Variants in FYN observed in about 807,000 individuals in gnomAD.
FYN encodes tyrosine-protein kinase Fyn.
FYN carries 10 observed loss-of-function variants against 70.2 expected under a neutral mutation model. That is an observed-to-expected ratio of 0.14 (90% confidence interval 0.09 to 0.24). The LOEUF (loss-of-function observed/expected upper bound fraction) is 0.24, where lower values mean the gene tolerates loss of function less well. FYN is among the 10% of genes least tolerant of loss of function. The pLI is 1.00. For missense variants in FYN, 319 were observed against 673.1 expected (o/e 0.47, Z 5.82); for synonymous variants, 236 against 248.6 (o/e 0.95, Z 0.48).
intron 3 of FYN, among the ~76,000 whole-genome samples, chr6:111,734,528 C>T (rs1226839934): frequency 6.6e-6 from 1 of 152,206 alleles, no homozygotes; most frequent in Non-Finnish European, 1.5e-5. Flanking sequence ...TCTGGCTCAA[C>T]CAACTCTGGC....
chr6:111,760,499 T>C (rs1409356324), intron 3 of FYN, among the ~76,000 whole-genome samples: 1 of 152,144 alleles, frequency 6.6e-6, no homozygotes, highest in African/African-American at 2.4e-5. Context: ...AAAACAAATT[T>C]AATGTGTGTT....
At chr6:111,861,131 G>C (rs190216206) in intron 1 of FYN, among the ~76,000 whole-genome samples, 15 of 150,384 alleles carry the variant, frequency 1.0e-4, no homozygotes, top group Admixed American at 3.9e-4. Context: ...CATTCTAGAA[G>C]TACTGAAAAC....
intron 2 of FYN, among the ~76,000 whole-genome samples, chr6:111,821,133 C>T (rs1253131374): frequency 6.6e-6 from 1 of 152,112 alleles, no homozygotes; most frequent in Non-Finnish European, 1.5e-5. Flanking sequence ...GAAAAAACTA[C>T]TTTAAAGTTC....
At chr6:111,843,597 T>G (rs1256576531) in intron 2 of FYN, among the ~76,000 whole-genome samples, 1 of 152,198 alleles carries the variant, frequency 6.6e-6, no homozygotes, top group East Asian at 1.9e-4. Flanking sequence ...TGTTCATTTG[T>G]CTGCTTGAAA....
intron 3 of FYN, among the ~76,000 whole-genome samples, chr6:111,732,311 C>A (rs1258047231): frequency 6.6e-6 from 1 of 152,226 alleles, no homozygotes; most frequent in African/African-American, 2.4e-5. Context: ...TGTTGTCCTA[C>A]AGAGTGATTA....
intron 13 of FYN, among the ~76,000 whole-genome samples, chr6:111,666,378 T>C (rs1313135937): frequency 6.6e-6 from 1 of 152,074 alleles, no homozygotes. Flanking sequence ...GAGAGGCGGC[T>C]TGGGGCTGGG....
chr6:111,711,311 A>G (rs1412502979), intron 5 of FYN, among the ~76,000 whole-genome samples: 1 of 152,296 alleles, frequency 6.6e-6, no homozygotes, highest in East Asian at 1.9e-4. Context: ...AGCTGTGACC[A>G]ATACTCCACT....
intron 12 of FYN, among the ~76,000 whole-genome samples, chr6:111,678,911 T>A (rs1347653541): frequency 6.6e-6 from 1 of 152,200 alleles, no homozygotes; most frequent in Non-Finnish European, 1.5e-5. Flanking sequence ...GTCCATTACA[T>A]CCTGACCATT....
At chr6:111,772,444 A>T (rs530791055) in intron 3 of FYN, among the ~76,000 whole-genome samples, 2 of 152,338 alleles carry the variant, frequency 1.3e-5, no homozygotes, top group South Asian at 4.1e-4. Context: ...CCCATGTATC[A>T]GACTACAGAT....
rs1420125743 is a variant in FYN at position 111,719,892 on chromosome 6, G to A, written c.160C>T (p.His54Tyr). 6.2e-7 allele frequency: 1 copy of A among 1,614,186 alleles called. No homozygotes were observed. The highest frequency in any genetic ancestry group is 1.1e-5 in the South Asian group (1 of 91,076). ...GTGAGTCCTTGGCCCCCGGCTGCGT[G>A]GAAGTTGTTGTAGTTGGGGATGGAG... The part of the protein sequence containing the change: ...VTSIPNYNNF[H>Y]AAGGQGLTVF... The change falls in exon 4 of 14, where the codon CAC becomes TAC. Residue 54 changes from histidine (H) to tyrosine (Y), a missense_variant. By Grantham distance (83) the His-to-Tyr change is moderately conservative (BLOSUM62 2). Around this residue, in one of 4 missense-constraint regions of FYN, gnomAD observed 128 missense variants for 183.9 expected, o/e 0.70. Transcript: ENST00000354650.
At chr6:111,692,101 T>TC (rs753027655) in intron 12 of FYN, among the ~76,000 whole-genome samples, 15,851 of 136,718 alleles carry the variant, frequency 0.12, 1,154 homozygotes, top group South Asian at 0.28. Flanking sequence ...AAGCTTCATT[T>TC]CCCCCCCCCC....
At chr6:111,818,826 A>G (rs1007812934) in intron 2 of FYN, 5 of 152,210 alleles carry the variant, frequency 3.3e-5, no homozygotes, top group African/African-American at 1.2e-4. Flanking sequence ...TCCTTGATTT[A>G]CAAGCATCAT....
chr6:111,823,971 T>C (rs911476530), intron 2 of FYN, among the ~76,000 whole-genome samples: 1 of 152,224 alleles, frequency 6.6e-6, no homozygotes, highest in African/African-American at 2.4e-5. Flanking sequence ...GCATACATTA[T>C]GCCTCAGGAA....
intron 13 of FYN, among the ~76,000 whole-genome samples, chr6:111,667,309 G>T (rs1171181477): frequency 6.6e-6 from 1 of 152,140 alleles, no homozygotes; most frequent in African/African-American, 2.4e-5. Flanking sequence ...CATGATCATG[G>T]CTCACTGCAG....
At chr6:111,767,569 T>G (rs928040300) in intron 3 of FYN, among the ~76,000 whole-genome samples, 1 of 151,980 alleles carries the variant, frequency 6.6e-6, no homozygotes, top group Non-Finnish European at 1.5e-5. Flanking sequence ...CCCAGCTAAT[T>G]TTTTGTATTT....
intron 12 of FYN, among the ~76,000 whole-genome samples, chr6:111,675,589 T>A (rs1025093698): frequency 6.6e-6 from 1 of 151,954 alleles, no homozygotes; most frequent in Non-Finnish European, 1.5e-5. Flanking sequence ...GGTCAGGAGT[T>A]CAAGACCAGC....
chr6:111,789,687 C>A (rs1464392496), intron 2 of FYN, among the ~76,000 whole-genome samples: 1 of 152,066 alleles, frequency 6.6e-6, no homozygotes, highest in Non-Finnish European at 1.5e-5. Flanking sequence ...TCACATGTAT[C>A]AGGAAAAAAA....
chr6:111,778,275 C>A (rs1771030994), intron 3 of FYN, among the ~76,000 whole-genome samples: 1 of 152,176 alleles, frequency 6.6e-6, no homozygotes, highest in Non-Finnish European at 1.5e-5. Context: ...TGAGGAAGGA[C>A]AGTGTCTTCA....
At chr6:111,822,672 C>T (rs1772707222) in intron 2 of FYN, among the ~76,000 whole-genome samples, 1 of 149,732 alleles carries the variant, frequency 6.7e-6, no homozygotes, top group Non-Finnish European at 1.5e-5. Flanking sequence ...AGACAATAAT[C>T]TAAAAAATAA....
Sources: gnomAD v4.1 joint callset for allele counts (sites outside exome capture counted in the v4.1 genomes callset) on GRCh38, gnomAD v4.1.1 for gene constraint, gnomAD v4.1.1 regional missense constraint, MANE v1.5 for transcripts, NCBI Gene and HGNC (gene_info 2026-07-23, HGNC 2026-07-21) for gene names.